The following SEMA3D variants were observed in gnomAD, a reference collection of about 807,000 sequenced individuals.
SEMA3D encodes the protein semaphorin-3D.
In SEMA3D, 84 loss-of-function variants were observed where a neutral mutation model predicts 100.1. That is an observed-to-expected ratio of 0.84 (90% CI 0.70 to 1.01). SEMA3D has a LOEUF of 1.01. Ranked by LOEUF, SEMA3D falls within the 50% of genes least tolerant of loss-of-function variation. The pLI, the probability that SEMA3D is intolerant of heterozygous loss-of-function variation, is 0.00. For synonymous variants in SEMA3D, 312 were observed against 320.7 expected (o/e 0.97, Z 0.29); for missense variants, 875 against 934.1 (o/e 0.94, Z 0.82).
At chr7:85,055,639 CATATACATATATATATATATATATAT>C (rs899414829) in intron 9 of SEMA3D, 52 bp downstream of exon 9, 3 of 164,896 alleles carry the variant, frequency 1.8e-5, no homozygotes, top group African/African-American at 1.7e-4. Flanking sequence ...AAAGTTTTTT[CATATACATATATATATATATATATAT>C]ATATATATAT....
chr7:85,213,110 G>C, the SEMA3D span, among the ~76,000 whole-genome samples: 2 of 151,990 alleles, frequency 1.3e-5, no homozygotes, highest in African/African-American at 4.8e-5. Context: ...GTTAAGCAAT[G>C]TATAGTGCTG....
rs1554339587 is a variant in SEMA3D, at chr7:85,077,104, T to TG, written c.376-4024_376-4023insC. ...CTGGGCAACAGAGTGAGACTCCGTC[T>TG]AAAAAAAAAAAAAAAAAACTTTAAA... On this transcript the variant is annotated intron_variant, in intron 5 of 18. Coordinates refer to ENST00000284136, the MANE Select transcript of SEMA3D (RefSeq NM_001384900.1). 1.8e-4 allele frequency among the ~76,000 whole-genome samples: 23 copies of TG among 124,432 alleles called. No individual in the cohort carries two copies. In the East Asian group the frequency reaches 4.3e-3, roughly 23 times the overall value. The allele number at this position is 124,432 out of a possible 152,430, so 81.6% of individuals were successfully genotyped here. A position where few individuals can be genotyped will look rare whatever the true frequency, so the allele number is the denominator to read the frequency against.
At position 85,042,193 on chromosome 7, in the gene SEMA3D, T is replaced by C. The variant is rs1790883507; in HGVS notation, c.954A>G (p.Ala318=). 1 of 1,612,638 alleles carries C rather than the reference T, an allele frequency of 6.2e-7. No individual in the cohort carries two copies. The highest frequency in any genetic ancestry group is 1.1e-5 in the South Asian group (1 of 91,010). The change falls in exon 10 of 19, where the codon GCA becomes GCG. Residue 318 remains alanine, a synonymous_variant. Coordinates refer to ENST00000284136, the MANE Select transcript of SEMA3D (RefSeq NM_001384900.1). ...LICSIPGSDG[A]DTYFDELQDI... ...TACGAAGCTCATCAAAGTAAGTATC[T>C]GCCCCATCACTTCCAGGAATTGAGC...
chr7:85,107,932 C>G (rs1788979489), intron 3 of SEMA3D, among the ~76,000 whole-genome samples: 1 of 152,026 alleles, frequency 6.6e-6, no homozygotes, highest in Non-Finnish European at 1.5e-5. Flanking sequence ...TCCCACCAGT[C>G]TCTCCCACGT....
At chr7:85,132,034 A>G (rs189999715) in intron 2 of SEMA3D, among the ~76,000 whole-genome samples, 2 of 152,068 alleles carry the variant, frequency 1.3e-5, no homozygotes, top group Non-Finnish European at 1.5e-5. Flanking sequence ...ATAGTTAATT[A>G]AAATAATTTT....
rs905381758 is a variant in SEMA3D at position 85,176,445 on chromosome 7, C to T, written c.-173+10233G>A. ...TTCTTGAAATGTGTTTTGTATGCTA[C>T]GACTCATACAAACTAAAACCAGAAA... is the stretch of plus-strand genomic sequence containing the variant. On this transcript the variant is annotated intron_variant, in intron 1 of 18. Transcript: ENST00000284136. Among the ~76,000 whole-genome samples, 6 of 151,978 alleles carry T rather than the reference C, an allele frequency of 3.9e-5. No homozygotes were observed. In the East Asian group the frequency reaches 5.8e-4, roughly 15 times the overall value.
chr7:85,153,632 C>A lies in SEMA3D; in HGVS notation c.-65G>T, dbSNP rs1343211542. 6.6e-6 allele frequency: 1 copy of A among 151,976 alleles called. No individual in the cohort carries two copies. The highest frequency in any genetic ancestry group is 2.4e-5 in the African/African-American group (1 of 41,356). The allele number at this position is 151,976 out of a possible 1,614,324, so 9.4% of individuals were successfully genotyped here. On this transcript the variant is annotated 5_prime_UTR_variant, in exon 2 of 19. Coordinates refer to ENST00000284136, the MANE Select transcript of SEMA3D (RefSeq NM_001384900.1). ...CATAATTATTGAGGCTGATGAGTCC[C>A]AAGATCTGCAGTTGGTAAGGTGAAG... is the stretch of plus-strand genomic sequence containing the variant.
intron 6 of SEMA3D, among the ~76,000 whole-genome samples, chr7:85,070,277 C>A (rs1791735209): frequency 6.6e-6 from 1 of 152,142 alleles, no homozygotes; most frequent in African/African-American, 2.4e-5. Flanking sequence ...GCAGAATGTG[C>A]AAAACTAACT....
chr7:85,147,236 G>C (rs932847245), intron 2 of SEMA3D, among the ~76,000 whole-genome samples: 4 of 150,958 alleles, frequency 2.6e-5, no homozygotes, highest in Non-Finnish European at 5.9e-5. Context: ...CTGAGTAGCT[G>C]GCATTACAAG....
At chr7:85,018,230 T>G in intron 15 of SEMA3D, 22 bp downstream of exon 15, 1 of 1,515,524 alleles carries the variant, frequency 6.6e-7, no homozygotes, top group Non-Finnish European at 9.2e-7. Flanking sequence ...TGATTAACTT[T>G]CATACAAAAG....
chr7:85,202,034 CTTTT>C, the SEMA3D span, among the ~76,000 whole-genome samples: 228 of 151,432 alleles, frequency 1.5e-3, 1 homozygote, highest in African/African-American at 5.2e-3. Context: ...CTCTCTCTCT[CTTTT>C]TATTTATTTA....
rs1050048816 is a variant in SEMA3D at position 85,172,517 on chromosome 7, G to T, written c.-173+14161C>A. Among the ~76,000 whole-genome samples the T allele has an allele frequency of 2.6e-5, 4 of 151,958 alleles. No homozygotes were observed. The East Asian group carries it at 7.7e-4, about 29-fold the overall frequency. ...CTGTATTCTGAGGAATGACCAAGCA[G>T]ATAAAGCAGCATGGAACAAAGATGT... On this transcript the variant is annotated intron_variant, in intron 1 of 18. Coordinates refer to ENST00000284136, the MANE Select transcript of SEMA3D (RefSeq NM_001384900.1).
chr7:85,246,879 G>T, the SEMA3D span, among the ~76,000 whole-genome samples: 664 of 151,352 alleles, frequency 4.4e-3, 4 homozygotes, highest in Non-Finnish European at 5.3e-3. Flanking sequence ...CACACAAAAT[G>T]TATAAATAAA....
chr7:85,122,006 A>T (rs541655789), intron 2 of SEMA3D, 75 bp from the exon 3 acceptor site: 1 of 672,462 alleles, frequency 1.5e-6, no homozygotes. Context: ...CAAATACCAT[A>T]TCATCTCACT....
chr7:85,034,418 T>G (rs902868764), intron 12 of SEMA3D, among the ~76,000 whole-genome samples: 1 of 151,700 alleles, frequency 6.6e-6, no homozygotes, highest in Non-Finnish European at 1.5e-5. Context: ...ACCAGCCTGG[T>G]TAACCTGGTG....
At chr7:85,081,725 A>G in intron 4 of SEMA3D, 146 bp from the exon 5 acceptor site, 2 of 613,408 alleles carry the variant, frequency 3.3e-6, no homozygotes, top group South Asian at 2.2e-5. Context: ...TGAGATTTAA[A>G]TATTTCCCAA....
chr7:85,045,892 TAAG>T (rs1048876138), intron 9 of SEMA3D, among the ~76,000 whole-genome samples: 4 of 151,952 alleles, frequency 2.6e-5, no homozygotes, highest in African/African-American at 4.8e-5. Context: ...CTAGTTGTGA[TAAG>T]AAGAGCACTA....
the SEMA3D span, among the ~76,000 whole-genome samples, chr7:85,225,083 T>TATAC: frequency 6.2e-5 from 1 of 16,034 alleles, no homozygotes; most frequent in Non-Finnish European, 1.2e-4. Flanking sequence ...TATATATATA[T>TATAC]ATATATATAT....
chr7:85,091,157 G>T, intron 4 of SEMA3D, among the ~76,000 whole-genome samples: 1 of 142,506 alleles, frequency 7.0e-6, no homozygotes, highest in East Asian at 2.1e-4. Context: ...AAGGAGGGAA[G>T]GAAGGAAGGA....
Sources: allele counts gnomAD v4.1 joint callset (sites outside exome capture counted in the v4.1 genomes callset), GRCh38; gene constraint gnomAD v4.1.1; transcripts MANE v1.5; gene names NCBI Gene and HGNC (gene_info 2026-07-23, HGNC 2026-07-21).